The following AGRN variants were observed in gnomAD, a reference collection of about 807,000 sequenced individuals.
AGRN encodes agrin proteoglycan.
In AGRN, 106 loss-of-function variants were observed where a neutral mutation model predicts 211.0. The ratio of observed to expected loss-of-function variants is 0.50; its 90% CI spans 0.43 to 0.59. The LOEUF (loss-of-function observed/expected upper bound fraction) is 0.59. Among genes scored for constraint, AGRN ranks in the 20% least tolerant of loss-of-function variants. The pLI is 0.00. For synonymous variants in AGRN, 1,525 were observed against 1,332.5 expected (o/e 1.14, Z -3.15); for missense variants, 3,040 against 2,982.6 (o/e 1.02, Z -0.45).
In AGRN at chr1:1,042,138, C is replaced by G. The variant is rs776352508; in HGVS notation, c.1360C>G (p.Pro454Ala). 1 of 1,599,054 alleles carries G rather than the reference C, an allele frequency of 6.3e-7. No individual in the cohort carries two copies. Among genetic ancestry groups the G allele is most frequent in the Non-Finnish European group, 8.5e-7 (1 of 1,177,642 alleles). Residue 454 changes from proline to alanine, a missense_variant, in exon 7 of 36, where the codon CCC becomes GCC. Around this residue, in one of 3 missense-constraint regions of AGRN, gnomAD observed 1,498 missense variants for 1,457.8 expected, o/e 1.03. Coordinates refer to ENST00000379370, the MANE Select transcript of AGRN (RefSeq NM_198576.4). ...TGAGTGCCGGCAGCAGCGTGCCATCCCCAGCAAGCACCAGGGCCCGTGTGG... is the reference window on the plus strand; with the variant it reads ...TGAGTGCCGGCAGCAGCGTGCCATCGCCAGCAAGCACCAGGGCCCGTGTGG... ...QAECRQQRAIPSKHQGPCDQA... is the reference protein window; with the variant it reads ...QAECRQQRAIASKHQGPCDQA...
Position 1,032,846 on chromosome 1 carries a change from C to T in AGRN, c.464-2431C>T, listed in dbSNP as rs3121560. On this transcript the variant is annotated intron_variant, in intron 2 of 35. Coordinates refer to ENST00000379370, the MANE Select transcript of AGRN (RefSeq NM_198576.4). The surrounding 1 kb of genome is among the most constrained non-coding windows in gnomAD (Gnocchi z 4.7). ...AGGGGTGTGCGGGGGCGCTGAGGTGCGGTCGCCGAGAGATTCTGGCCTCCA... is the reference window on the plus strand; with the variant it reads ...AGGGGTGTGCGGGGGCGCTGAGGTGTGGTCGCCGAGAGATTCTGGCCTCCA... Among the ~76,000 whole-genome samples, 3 of 151,858 alleles carry T rather than the reference C, an allele frequency of 2.0e-5. No homozygotes were observed. Among genetic ancestry groups the T allele is most frequent in the African/African-American group, 7.3e-5 (3 of 41,328 alleles).
In AGRN at chr1:1,020,345, A is replaced by G; in HGVS notation, c.173A>G (p.Asp58Gly). 6.7e-7 allele frequency: 1 copy of G among 1,494,506 alleles called. No homozygotes were observed. Among genetic ancestry groups the G allele is most frequent in the South Asian group, 1.3e-5 (1 of 79,424 alleles). The allele number at this position is 1,494,506 out of a possible 1,614,324, so 92.6% of individuals were successfully genotyped here. Residue 58 changes from aspartate to glycine, a missense_variant, in exon 1 of 36, where the codon GAC becomes GGC. Physicochemically the swap from Asp to Gly is moderately conservative, Grantham distance 94. Around this residue, in one of 3 missense-constraint regions of AGRN, gnomAD observed 1,498 missense variants for 1,457.8 expected, o/e 1.03. Coordinates refer to ENST00000379370, the MANE Select transcript of AGRN (RefSeq NM_198576.4). Reference sequence around the variant, plus strand: ...ACGGTGGAGGAGATCCTCAACGTGGACCCGGTGCAGCACACGTACTCCTGC... The same window carrying G: ...ACGGTGGAGGAGATCCTCAACGTGGGCCCGGTGCAGCACACGTACTCCTGC... The part of the protein sequence containing the change: ...TGTVEEILNV[D>G]PVQHTYSCKV...
chr1:1,023,332 C>T (rs573941936), intron 2 of AGRN, among the ~76,000 whole-genome samples: 1 of 152,174 alleles, frequency 6.6e-6, no homozygotes, highest in Admixed American at 6.5e-5. Flanking sequence ...CTTGCCTTCT[C>T]TGTGCATGCC....
chr1:1,035,297 A>T lies in AGRN; in HGVS notation c.484A>T (p.Thr162Ser). The change falls in exon 3 of 36, where the codon ACT (threonine) becomes TCT (serine). Residue 162 changes from threonine (T) to serine (S), a missense_variant. Physicochemically the swap from Thr to Ser is moderately conservative, Grantham distance 58. Around this residue, in one of 3 missense-constraint regions of AGRN, gnomAD observed 1,498 missense variants for 1,457.8 expected, o/e 1.03. Transcript: ENST00000379370. ...CVEDKPGTHF[T>S]PVPPTPPDAC... is the part of the protein sequence containing the mutation. ...TCCAGATAAACCCGGGACCCACTTC[A>T]CTCCAGTGCCTCCGACGCCTCCTGA... The T allele has an allele frequency of 6.2e-7, 1 of 1,612,600 alleles. No individual in the cohort carries two copies. Among genetic ancestry groups the T allele is most frequent in the Non-Finnish European group, 8.5e-7 (1 of 1,179,898 alleles).
At position 1,052,185 on chromosome 1, in the gene AGRN, C is replaced by T. The variant is rs1009386068; in HGVS notation, c.5651+370C>T. 5.3e-5 allele frequency: 43 copies of T among 810,468 alleles called. No individual in the cohort carries two copies. In the Admixed American group the frequency reaches 7.8e-4, roughly 15 times the overall value. 50.2% of individuals were successfully genotyped at this position (810,468 alleles called of 1,614,324 possible). ...CCGTTTCCTGCCTCAGAAGTGCAGT[C>T]GCCCCTCCCAGGGCACAGGCCGAGG... is the stretch of plus-strand genomic sequence containing the variant. On this transcript the variant is annotated intron_variant, in intron 33 of 35. Transcript: ENST00000379370.
At chr1:1,021,447 G>A (rs1179875929) in intron 1 of AGRN, among the ~76,000 whole-genome samples, 1 of 152,250 alleles carries the variant, frequency 6.6e-6, no homozygotes, top group African/African-American at 2.4e-5. Context: ...AGCAGGGGCT[G>A]CGCAGTGGAC....
intron 2 of AGRN, chr1:1,034,516 C>G: frequency 1.0e-6 from 1 of 985,978 alleles, no homozygotes; most frequent in Non-Finnish European, 1.2e-6. Context: ...GAGGAGCCCC[C>G]ACGCTCTGAG....
chr1:1,025,362 G>C (rs562067842), intron 2 of AGRN, among the ~76,000 whole-genome samples: 1 of 152,296 alleles, frequency 6.6e-6, no homozygotes, highest in East Asian at 1.9e-4. Context: ...GGCAGTCCTA[G>C]GGGAAGCCCA....
In AGRN at chr1:1,037,072, C is replaced by A. The variant is rs559690993; in HGVS notation, c.511+1748C>A. The stretch of plus-strand genomic sequence containing the variant: ...GAGGGTATGGACTCAGAGAAGGACC[C>A]GAGTCTTGCAGGAAGGGGCCTGAAC... On this transcript the variant is annotated intron_variant, in intron 3 of 35. Transcript: ENST00000379370. Among the ~76,000 whole-genome samples, 16 of 152,214 alleles carry A rather than the reference C, an allele frequency of 1.1e-4. No individual in the cohort carries two copies. The South Asian group carries it at 2.9e-3, about 28-fold the overall frequency.
chr1:1,020,512 G>T lies in AGRN; in HGVS notation c.201+139G>T, dbSNP rs921776463. On this transcript the variant is annotated intron_variant, in intron 1 of 35. Coordinates refer to ENST00000379370, the MANE Select transcript of AGRN (RefSeq NM_198576.4). ...CTTGGCGACCGCCAAGCCCCGGGAG[G>T]GGGGGTCGCCGGGTCCCGGGAAACT... is the stretch of plus-strand genomic sequence containing the variant. 4.6e-5 allele frequency: 38 copies of T among 817,622 alleles called. No individual in the cohort carries two copies. In the East Asian group the frequency reaches 5.8e-4, roughly 12 times the overall value. The allele number at this position is 817,622 out of a possible 1,614,324, so 50.6% of individuals were successfully genotyped here. A position where few individuals can be genotyped will look rare whatever the true frequency, so the allele number is the denominator to read the frequency against.
intron 33 of AGRN, 88 bp downstream of exon 33, chr1:1,051,903 G>A: frequency 6.4e-7 from 1 of 1,559,338 alleles, no homozygotes; most frequent in Non-Finnish European, 8.7e-7. Context: ...GCCCAGGAGG[G>A]GACGGCCCGG....
Position 1,031,472 on chromosome 1 carries a change from T to C in AGRN, c.464-3805T>C, listed in dbSNP as rs1414208564. On this transcript the variant is annotated intron_variant, in intron 2 of 35. Transcript: ENST00000379370. The surrounding 1 kb of genome is among the most constrained non-coding windows in gnomAD (Gnocchi z 4.8). The stretch of plus-strand genomic sequence containing the variant: ...TGGGCCTGGGGCCTCAATGGCCCTT[T>C]GTCTTTCTGAAGGCATCTGGGCCTC... Among the ~76,000 whole-genome samples, 1 of 152,222 alleles carries C rather than the reference T, an allele frequency of 6.6e-6. No individual in the cohort carries two copies. The highest frequency in any genetic ancestry group is 2.4e-5 in the African/African-American group (1 of 41,520).
chr1:1,035,250 C>G (rs1557694366), intron 2 of AGRN, 27 bp from the exon 3 acceptor site: 2 of 1,612,620 alleles, frequency 1.2e-6, no homozygotes, highest in Non-Finnish European at 1.7e-6. Context: ...TCAGAGGAGC[C>G]TAACTTGGGG....
chr1:1,050,027 C>T lies in AGRN; in HGVS notation c.4869C>T (p.Phe1623=). ...GCCCCCTGGGGCGTGAGGGCACCTT[C>T]TGCCAGACAGGTCGGGGGCGTGGGG... is the stretch of plus-strand genomic sequence containing the variant. The part of the protein sequence containing the change: ...CECPLGREGT[F]CQTASGQDGS... Residue 1623 remains phenylalanine, a synonymous_variant, in exon 27 of 36, where the codon TTC becomes TTT. Coordinates refer to ENST00000379370, the MANE Select transcript of AGRN (RefSeq NM_198576.4). 6.5e-7 allele frequency: 1 copy of T among 1,533,346 alleles called. No individual in the cohort carries two copies. Among genetic ancestry groups the T allele is most frequent in the East Asian group, 2.5e-5 (1 of 39,264 alleles). 95.0% of individuals were successfully genotyped at this position (1,533,346 alleles called of 1,614,324 possible).
At chr1:1,050,362 C>A (rs750516520) in intron 28 of AGRN, 33 bp downstream of exon 28, 1 of 1,612,524 alleles carries the variant, frequency 6.2e-7, no homozygotes, top group African/African-American at 1.3e-5. Context: ...GAAGGGCCGG[C>A]CCCCACCTCC....
intron 29 of AGRN, 51 bp downstream of exon 29, chr1:1,050,642 G>A (rs753582738): frequency 1.9e-5 from 31 of 1,603,362 alleles, no homozygotes; most frequent in East Asian, 1.1e-4. Context: ...GCCCGGGGCC[G>A]GGGCACCAGC....
rs1293948991 is a variant in AGRN at position 1,050,451 on chromosome 1, G to A, written c.5001G>A (p.Val1667=). 3.7e-6 allele frequency: 6 copies of A among 1,612,984 alleles called. No homozygotes were observed. The highest frequency in any genetic ancestry group is 3.3e-5 in the Admixed American group (2 of 59,996). Residue 1667 remains valine, a synonymous_variant, in exon 29 of 36, where the codon GTG becomes GTA. Transcript: ENST00000379370. ...GGGAGAAGATGGCGCTGGAGGTCGT[G>A]TTCCTGGCACGAGGCCCCAGCGGCC... ...DLGEKMALEV[V]FLARGPSGLL...
chr1:1,053,294 C>T, intron 33 of AGRN: 1 of 473,546 alleles, frequency 2.1e-6, no homozygotes, highest in South Asian at 2.0e-5. Flanking sequence ...TCCGCACAAG[C>T]ATGTGTAGGT....
At chr1:1,030,061 A>ATG (rs1411227264) in intron 2 of AGRN, among the ~76,000 whole-genome samples, 6 of 80,460 alleles carry the variant, frequency 7.5e-5, no homozygotes, top group Non-Finnish European at 1.2e-4. Context: ...TGAGATCAGC[A>ATG]TGTGTGTGTG....
Sources: gnomAD v4.1 joint callset for allele counts (sites outside exome capture counted in the v4.1 genomes callset) on GRCh38, gnomAD v4.1.1 for gene constraint, gnomAD v4.1.1 regional missense constraint, Gnocchi (gnomAD v3.1) non-coding constraint, MANE v1.5 for transcripts, NCBI Gene and HGNC (gene_info 2026-07-23, HGNC 2026-07-21) for gene names.